Variants in DOCK5 observed in about 807,000 individuals in gnomAD.
The protein encoded by DOCK5 is dedicator of cytokinesis protein 5.
DOCK5 carries 142 observed loss-of-function variants against 251.8 expected under a neutral mutation model. The ratio of observed to expected loss-of-function variants is 0.56; its 90% CI spans 0.49 to 0.65. DOCK5 has a LOEUF of 0.65. Ranked by LOEUF, DOCK5 falls within the 30% of genes least tolerant of loss-of-function variation. DOCK5 has a pLI of 0.00. For synonymous variants in DOCK5, 842 were observed against 835.5 expected (o/e 1.01, Z -0.13); for missense variants, 2,111 against 2,312.3 (o/e 0.91, Z 1.79).
rs1563220606 is a variant in DOCK5, at chr8:25,373,789, C to G, written c.3725+131C>G. 9.9e-6 allele frequency: 8 copies of G among 810,858 alleles called. No individual in the cohort carries two copies. The South Asian group carries it at 1.4e-4, about 14-fold the overall frequency. 50.2% of individuals were successfully genotyped at this position (810,858 alleles called of 1,614,324 possible). On this transcript the variant is annotated intron_variant, in intron 36 of 51. Coordinates refer to ENST00000276440, the MANE Select transcript of DOCK5 (RefSeq NM_024940.8). The stretch of plus-strand genomic sequence containing the variant: ...GACCCCTAAAAGTACATGATACGCT[C>G]CATTCACCCTGAACCGACAAACTCT...
intron 1 of DOCK5, among the ~76,000 whole-genome samples, chr8:25,241,749 A>G (rs1314918787): frequency 6.6e-6 from 1 of 152,198 alleles, no homozygotes; most frequent in Non-Finnish European, 1.5e-5. Flanking sequence ...CTTGGAACCA[A>G]CCCAACTACC....
At chr8:25,241,205 G>A (rs992450630) in intron 1 of DOCK5, among the ~76,000 whole-genome samples, 36 of 152,178 alleles carry the variant, frequency 2.4e-4, no homozygotes, top group African/African-American at 7.7e-4. Flanking sequence ...GGCTGGGCAC[G>A]GTGGCTCACG....
At chr8:25,281,839 A>G (rs1305946777) in intron 5 of DOCK5, among the ~76,000 whole-genome samples, 1 of 147,608 alleles carries the variant, frequency 6.8e-6, no homozygotes, top group East Asian at 2.0e-4. Context: ...AGATTGTGCC[A>G]TTGCACTCCA....
chr8:25,257,013 A>G (rs886533601), intron 2 of DOCK5, among the ~76,000 whole-genome samples: 2 of 152,098 alleles, frequency 1.3e-5, no homozygotes, highest in Non-Finnish European at 1.5e-5. Flanking sequence ...GGACACCCCT[A>G]GCATGGTATT....
Position 25,319,814 on chromosome 8 carries a change from T to C in DOCK5, c.1542+138T>C, listed in dbSNP as rs192549321. 1.1e-3 allele frequency: 612 copies of C among 570,024 alleles called. 3 individuals are homozygous for C. Among genetic ancestry groups the C allele is most frequent in the African/African-American group, 8.4e-3 (443 of 52,922 alleles). The allele number at this position is 570,024 out of a possible 1,614,324, so 35.3% of individuals were successfully genotyped here. Reference sequence around the variant, plus strand: ...CCTATGGTGTGCAGTAAGAAATGAATCAGTAATTATAATTCTGTATTAAGA... The same window carrying C: ...CCTATGGTGTGCAGTAAGAAATGAACCAGTAATTATAATTCTGTATTAAGA... On this transcript the variant is annotated intron_variant, in intron 15 of 51. Transcript: ENST00000276440.
At chr8:25,228,680 T>A (rs17088212) in intron 1 of DOCK5, among the ~76,000 whole-genome samples, 3 of 152,112 alleles carry the variant, frequency 2.0e-5, no homozygotes, top group African/African-American at 4.8e-5. Context: ...ATAAATATGC[T>A]GAGGCAAGTC....
intron 51 of DOCK5, among the ~76,000 whole-genome samples, 197 bp from the exon 52 acceptor site, chr8:25,410,983 GCACGCACGCACGCA>G (rs1563236224): frequency 3.5e-4 from 42 of 119,136 alleles, no homozygotes; most frequent in Non-Finnish European, 5.7e-4. Flanking sequence ...GCGCGCGCGC[GCACGCACGCACGCA>G]CGCACGCGTG....
At chr8:25,341,699 T>C in intron 23 of DOCK5, 40 bp from the exon 24 acceptor site, 1 of 1,521,474 alleles carries the variant, frequency 6.6e-7, no homozygotes, top group Non-Finnish European at 9.0e-7. Flanking sequence ...GTATTTGTCT[T>C]GCCTGGCAAC....
chr8:25,334,920 T>C (rs1206854036), intron 21 of DOCK5, among the ~76,000 whole-genome samples: 1 of 152,164 alleles, frequency 6.6e-6, no homozygotes, highest in East Asian at 1.9e-4. Flanking sequence ...TATGAGAAGA[T>C]TTCGTTTTCC....
chr8:25,410,091 ATT>A lies in DOCK5; in HGVS notation c.5405-6_5405-5del, dbSNP rs768311159. On this transcript the variant is annotated splice_region_variant and splice_polypyrimidine_tract_variant and intron_variant, in intron 50 of 51. Coordinates refer to ENST00000276440, the MANE Select transcript of DOCK5 (RefSeq NM_024940.8). ...CTCTCTGCCGCCTGCACTTTCTGTC[ATT>A]TCTAGGCTCCCCATCGTTGCAGACA... 1 of 1,611,054 alleles carries A rather than the reference ATT, an allele frequency of 6.2e-7. No individual in the cohort carries two copies. Among genetic ancestry groups the A allele is most frequent in the Non-Finnish European group, 8.5e-7 (1 of 1,178,388 alleles).
intron 45 of DOCK5, among the ~76,000 whole-genome samples, chr8:25,397,966 T>C (rs185183350): frequency 3.9e-5 from 6 of 152,348 alleles, no homozygotes; most frequent in African/African-American, 1.4e-4. Flanking sequence ...CATGATGTAT[T>C]GCAATCAGTG....
At position 25,270,964 on chromosome 8, in the gene DOCK5, C is replaced by T. The variant is rs560701692; in HGVS notation, c.168+2079C>T. 340 of 509,648 alleles carry T rather than the reference C, an allele frequency of 6.7e-4. No individual in the cohort carries two copies. The Middle Eastern group carries it at 8.3e-3, about 12-fold the overall frequency. The allele number at this position is 509,648 out of a possible 1,614,324, so 31.6% of individuals were successfully genotyped here. A position where few individuals can be genotyped will look rare whatever the true frequency, so the allele number is the denominator to read the frequency against. On this transcript the variant is annotated intron_variant, in intron 3 of 51. Transcript: ENST00000276440. Reference sequence around the variant, plus strand: ...AAATGCTATGTAAGTAGTTATTATACCGTATTGTTTAGGGAATAATGACAA... The same window carrying T: ...AAATGCTATGTAAGTAGTTATTATATCGTATTGTTTAGGGAATAATGACAA...
Position 25,253,536 on chromosome 8 carries a change from A to G in DOCK5, c.127+9779A>G, listed in dbSNP as rs1016894055. Among the ~76,000 whole-genome samples the G allele has an allele frequency of 2.6e-4, 40 of 152,290 alleles. 1 individual carries two copies. Among genetic ancestry groups the G allele is most frequent in the Admixed American group, 2.0e-3 (31 of 15,294 alleles). ...TTTTTAAATGCGTTAGGTTATGTCC[A>G]TATAACATCACGGTTGGGCTGGCTA... On this transcript the variant is annotated intron_variant, in intron 2 of 51. Transcript: ENST00000276440.
At chr8:25,357,373 C>CTTT (rs397891518) in intron 27 of DOCK5, among the ~76,000 whole-genome samples, 136 of 92,616 alleles carry the variant, frequency 1.5e-3, no homozygotes, top group East Asian at 5.7e-3. Flanking sequence ...AAAAAATAAA[C>CTTT]TTTTTTTTTT....
intron 1 of DOCK5, among the ~76,000 whole-genome samples, chr8:25,195,850 A>G (rs1160988882): frequency 3.3e-5 from 5 of 152,180 alleles, no homozygotes; most frequent in Non-Finnish European, 7.3e-5. Flanking sequence ...CTTTTTCATC[A>G]GTGTGCCCCA....
rs1368707229 is a variant in DOCK5, at chr8:25,243,476, G to A, written c.44-198G>A. Among the ~76,000 whole-genome samples the A allele has an allele frequency of 4.6e-5, 7 of 151,888 alleles. No homozygotes were observed. The East Asian group carries it at 9.7e-4, about 21-fold the overall frequency. The stretch of plus-strand genomic sequence containing the variant: ...CTCCCAAGTAGCTGAGATTACATGC[G>A]CCTGCCACTACGCCCAGCTGATTTT... On this transcript the variant is annotated intron_variant, in intron 1 of 51. Coordinates refer to ENST00000276440, the MANE Select transcript of DOCK5 (RefSeq NM_024940.8).
At position 25,413,156 on chromosome 8, in the gene DOCK5, G is replaced by T. The variant is rs1801659724; in HGVS notation, c.*1858G>T. ...GAATGGGGATAATGCCTCCTGCATC[G>T]GTTGTTGTGAGGTTTCAATGAGATG... is the stretch of plus-strand genomic sequence containing the variant. On this transcript the variant is annotated 3_prime_UTR_variant, in exon 52 of 52. Transcript: ENST00000276440. 1 of 152,136 alleles carries T rather than the reference G, an allele frequency of 6.6e-6. No homozygotes were observed. Among genetic ancestry groups the T allele is most frequent in the African/African-American group, 2.4e-5 (1 of 41,412 alleles). The allele number at this position is 152,136 out of a possible 1,614,324, so 9.4% of individuals were successfully genotyped here.
chr8:25,392,962 C>A, intron 44 of DOCK5, 80 bp downstream of exon 44: 3 of 1,237,624 alleles, frequency 2.4e-6, no homozygotes, highest in Non-Finnish European at 3.5e-6. Context: ...ATTCCCTCTG[C>A]AGTTCACACC....
At chr8:25,321,779 G>C (rs986696698) in intron 16 of DOCK5, among the ~76,000 whole-genome samples, 1 of 152,034 alleles carries the variant, frequency 6.6e-6, no homozygotes, top group Non-Finnish European at 1.5e-5. Flanking sequence ...TGGGGTTTGA[G>C]GTCCCCTGCT....
Sources: allele counts gnomAD v4.1 joint callset (sites outside exome capture counted in the v4.1 genomes callset), GRCh38; gene constraint gnomAD v4.1.1; transcripts MANE v1.5; gene names NCBI Gene and HGNC (gene_info 2026-07-23, HGNC 2026-07-21).